CFAP77: variants seen among roughly 807,000 people sequenced by gnomAD.
CFAP77 encodes the protein cilia- and flagella-associated protein 77.
CFAP77 carries 25 observed loss-of-function variants against 31.1 expected under a neutral mutation model. The observed-to-expected ratio is 0.80, with a 90% CI of 0.59 to 1.12. CFAP77 has a LOEUF of 1.12. Ranked by LOEUF, CFAP77 falls within the 50% of genes most tolerant of loss-of-function variation. CFAP77 has a pLI of 0.00. For missense variants in CFAP77, 377 were observed against 397.3 expected, an observed-to-expected ratio of 0.95 and a Z score of 0.44; for synonymous variants, 151 against 159.9, an observed-to-expected ratio of 0.94 and a Z score of 0.42.
chr9:132,469,426 C>A (rs538124268), intron 1 of CFAP77, among the ~76,000 whole-genome samples: 17 of 152,162 alleles, frequency 1.1e-4, no homozygotes, highest in Non-Finnish European at 1.3e-4. Context: ...CTTCATAATG[C>A]GAGTTAGCAT....
chr9:132,438,541 A>ATATATATATATATATATATATTTT, intron 1 of CFAP77, among the ~76,000 whole-genome samples: 2 of 108,152 alleles, frequency 1.8e-5, no homozygotes, highest in African/African-American at 4.1e-5. Flanking sequence ...ATATATATAT[A>ATATATATATATATATATATATTTT]TTTTTTTTTT....
chr9:132,443,209 G>A (rs1317584641), intron 1 of CFAP77, among the ~76,000 whole-genome samples: 3 of 151,300 alleles, frequency 2.0e-5, no homozygotes, highest in Non-Finnish European at 2.9e-5. Flanking sequence ...TCATTGAGGG[G>A]CATTCATGCT....
At chr9:132,568,066 G>A (rs1829908348) in intron 5 of CFAP77, among the ~76,000 whole-genome samples, 1 of 152,178 alleles carries the variant, frequency 6.6e-6, no homozygotes, top group Non-Finnish European at 1.5e-5. Flanking sequence ...AGGAAGGAAT[G>A]GACAGGGCTG....
At chr9:132,550,353 T>C (rs1342215635) in intron 5 of CFAP77, among the ~76,000 whole-genome samples, 1 of 151,746 alleles carries the variant, frequency 6.6e-6, no homozygotes, top group Admixed American at 6.6e-5. Flanking sequence ...GCAGCAAGAG[T>C]CTCATGTTGA....
rs1852048424 is a variant in CFAP77, at chr9:132,511,902, A to G, written c.524+12302A>G. Among the ~76,000 whole-genome samples the G allele has an allele frequency of 6.6e-6, 1 of 151,992 alleles. No individual in the cohort carries two copies. The highest frequency in any genetic ancestry group is 2.4e-5 in the African/African-American group (1 of 41,380). On this transcript the variant is annotated intron_variant, in intron 3 of 5. Transcript: ENST00000393216. The surrounding 1 kb of genome is among the most constrained non-coding windows in gnomAD (Gnocchi z 5.8). Reference sequence around the variant, plus strand: ...AATCCCGTCTCTACCAAAGATACAAAAATTAGCTGGGTGTGGTGGCACACA... The same window carrying G: ...AATCCCGTCTCTACCAAAGATACAAGAATTAGCTGGGTGTGGTGGCACACA...
Position 132,410,256 on chromosome 9 carries a change from C to T in CFAP77, c.-16C>T, listed in dbSNP as rs745797533. 1.9e-6 allele frequency: 3 copies of T among 1,548,788 alleles called. No homozygotes were observed. Among genetic ancestry groups the T allele is most frequent in the Non-Finnish European group, 2.6e-6 (3 of 1,150,088 alleles). On this transcript the variant is annotated 5_prime_UTR_variant, in exon 1 of 6. Coordinates refer to ENST00000393216, the MANE Select transcript of CFAP77 (RefSeq NM_001282957.2). ...CCCAAACCAGCCCGCGGGCCGGCTCCCCGGCGACCTCAAGGATGCCAGAGG... is the reference window on the plus strand; with the variant it reads ...CCCAAACCAGCCCGCGGGCCGGCTCTCCGGCGACCTCAAGGATGCCAGAGG...
chr9:132,540,831 G>T (rs1179033293), intron 4 of CFAP77, among the ~76,000 whole-genome samples: 1 of 152,168 alleles, frequency 6.6e-6, no homozygotes, highest in Non-Finnish European at 1.5e-5. Flanking sequence ...TGCTTGAGGG[G>T]AGAAGGGCAG....
chr9:132,445,894 A>G (rs1394626047), intron 1 of CFAP77, among the ~76,000 whole-genome samples: 8 of 151,248 alleles, frequency 5.3e-5, no homozygotes, highest in African/African-American at 7.3e-5. Context: ...AGAAAGAAAG[A>G]AAAAGAAAAA....
At chr9:132,411,839 G>T (rs1392418488) in intron 1 of CFAP77, among the ~76,000 whole-genome samples, 1 of 148,186 alleles carries the variant, frequency 6.7e-6, no homozygotes, top group Admixed American at 6.8e-5. Context: ...TTAGTGTGTG[G>T]TGCCCACGCT....
At chr9:132,569,358 G>C (rs974005393) in intron 5 of CFAP77, among the ~76,000 whole-genome samples, 1 of 151,962 alleles carries the variant, frequency 6.6e-6, no homozygotes, top group Non-Finnish European at 1.5e-5. Flanking sequence ...GTGAGCCATG[G>C]TTGTGCCACT....
intron 3 of CFAP77, among the ~76,000 whole-genome samples, chr9:132,509,670 G>T (rs1222682303): frequency 6.6e-6 from 1 of 152,172 alleles, no homozygotes; most frequent in Non-Finnish European, 1.5e-5. Context: ...TCGGGAGGCT[G>T]AGGCACGAGA....
chr9:132,525,269 G>C (rs574991629), intron 3 of CFAP77, among the ~76,000 whole-genome samples: 2 of 151,498 alleles, frequency 1.3e-5, no homozygotes, highest in Non-Finnish European at 2.9e-5. Flanking sequence ...ATCCACCCGC[G>C]TTGGCCTCCT....
chr9:132,486,321 A>G (rs181489014), intron 1 of CFAP77, among the ~76,000 whole-genome samples: 2 of 150,844 alleles, frequency 1.3e-5, no homozygotes, highest in Non-Finnish European at 3.0e-5. Flanking sequence ...CTCGATCTCC[A>G]GACCTCGTGA....
At chr9:132,438,537 ATATAT>A (rs1335170094) in intron 1 of CFAP77, among the ~76,000 whole-genome samples, 4 of 116,172 alleles carry the variant, frequency 3.4e-5, no homozygotes, top group African/African-American at 1.6e-4. Context: ...ATATATATAT[ATATAT>A]TTTTTTTTTT....
chr9:132,465,671 G>A (rs1339504920), intron 1 of CFAP77, among the ~76,000 whole-genome samples: 3 of 152,232 alleles, frequency 2.0e-5, no homozygotes, highest in Non-Finnish European at 4.4e-5. Context: ...ATACACATCT[G>A]ATTGACTTGT....
intron 1 of CFAP77, chr9:132,482,494 A>T: frequency 9.1e-7 from 1 of 1,097,404 alleles, no homozygotes; most frequent in East Asian, 2.4e-5. Context: ...GCTTCCGCAC[A>T]CCTACTGCGT....
rs138039944 is a variant in CFAP77, at chr9:132,458,017, G to A, written c.196-40678G>A. Among the ~76,000 whole-genome samples the A allele has an allele frequency of 2.7e-3, 405 of 152,272 alleles. 1 individual carries two copies. Among genetic ancestry groups the A allele is most frequent in the African/African-American group, 8.2e-3 (341 of 41,566 alleles). Reference sequence around the variant, plus strand: ...CCCGATCCCTTATTTCCGAAGGCCCGGGGCCTCCCTCCCTCGTCATATTTT... The same window carrying A: ...CCCGATCCCTTATTTCCGAAGGCCCAGGGCCTCCCTCCCTCGTCATATTTT... On this transcript the variant is annotated intron_variant, in intron 1 of 5. Coordinates refer to ENST00000393216, the MANE Select transcript of CFAP77 (RefSeq NM_001282957.2).
intron 1 of CFAP77, among the ~76,000 whole-genome samples, chr9:132,492,969 G>A (rs562129554): frequency 2.6e-5 from 4 of 152,272 alleles, no homozygotes; most frequent in Admixed American, 6.5e-5. Context: ...GGACTCCCAC[G>A]GCTCCAGCCT....
intron 1 of CFAP77, among the ~76,000 whole-genome samples, chr9:132,436,890 T>C (rs1020444010): frequency 2.6e-5 from 4 of 152,178 alleles, no homozygotes; most frequent in African/African-American, 9.7e-5. Context: ...AGTGAACTTG[T>C]CTGGATAGGG....
Sources: allele counts gnomAD v4.1 joint callset (sites outside exome capture counted in the v4.1 genomes callset), GRCh38; gene constraint gnomAD v4.1.1; non-coding constraint Gnocchi (gnomAD v3.1); transcripts MANE v1.5; gene names NCBI Gene and HGNC (gene_info 2026-07-23, HGNC 2026-07-21).